The following CADM4 variants were observed in gnomAD, a reference collection of about 807,000 sequenced individuals.
The protein encoded by CADM4 is cell adhesion molecule 4, also known as TSLC1-like 2.
In CADM4, 13 loss-of-function variants were observed where a neutral mutation model predicts 43.9. The ratio of observed to expected loss-of-function variants is 0.30; its 90% CI spans 0.19 to 0.47. The LOEUF (loss-of-function observed/expected upper bound fraction) is 0.47. Ranked by LOEUF, CADM4 falls within the 20% of genes least tolerant of loss-of-function variation. The pLI, the probability that CADM4 is intolerant of heterozygous loss-of-function variation, is 1.00. For missense variants in CADM4, 420 were observed against 527.0 expected (o/e 0.80, Z 1.99); for synonymous variants, 209 against 220.9 (o/e 0.95, Z 0.48).
At chr19:43,628,450 GA>G (rs201725605) in intron 1 of CADM4, among the ~76,000 whole-genome samples, 4 of 150,996 alleles carry the variant, frequency 2.6e-5, no homozygotes, top group African/African-American at 9.7e-5. Context: ...AAAAAAGAAA[GA>G]AAAAAAAGAG....
At chr19:43,631,926 G>T (rs978444640) in intron 1 of CADM4, among the ~76,000 whole-genome samples, 2 of 152,060 alleles carry the variant, frequency 1.3e-5, no homozygotes, top group Non-Finnish European at 2.9e-5. Flanking sequence ...TTATTTTAGA[G>T]ATGAGGTCTC....
At chr19:43,632,385 G>A (rs1359807469) in intron 1 of CADM4, among the ~76,000 whole-genome samples, 3 of 152,112 alleles carry the variant, frequency 2.0e-5, no homozygotes, top group Non-Finnish European at 2.9e-5. Context: ...CTCCTCCAGG[G>A]CCATTCTCCA....
chr19:43,626,266 AT>A lies in CADM4; in HGVS notation c.521del (p.Asn174MetfsTer62). ...ELKGVSSSQE[N>X]GKVWSVASTV... ...TGCTTGCCACGCTCCAGACCTTGCC[AT>A]TTTCCTGGCTGCTGCTCACTCCTGC... On this transcript the variant is annotated frameshift_variant, in exon 5 of 9. Coordinates refer to ENST00000222374, the MANE Select transcript of CADM4 (RefSeq NM_145296.2). LOFTEE classifies it high-confidence loss of function. This position sits in a 1 kb window ranked among gnomAD's most constrained non-coding sequence, Gnocchi z 5.9. 1 of 1,611,694 alleles carries A rather than the reference AT, an allele frequency of 6.2e-7. No homozygotes were observed.
chr19:43,624,114 C>T lies in CADM4; in HGVS notation c.1057G>A (p.Gly353Ser), dbSNP rs1287495696. 6.2e-7 allele frequency: 1 copy of T among 1,614,178 alleles called. No homozygotes were observed. Among genetic ancestry groups the T allele is most frequent in the Admixed American group, 1.7e-5 (1 of 60,022 alleles). ...GMVWCSVRQK[G>S]SYLTHEASGL... is the part of the protein sequence containing the mutation. ...AGAGTCCAGGCCCCGTCCCACTCAC[C>T]CTTCTGCCGTACCGAGCACCAGACC... The change falls in exon 8 of 9, where the codon GGT (glycine) becomes AGT (serine). Residue 353 changes from glycine to serine, a missense_variant and splice_region_variant. Gly to Ser is a moderately conservative substitution (Grantham distance 56). Coordinates refer to ENST00000222374, the MANE Select transcript of CADM4 (RefSeq NM_145296.2).
rs750822239 is a variant in CADM4 at position 43,623,506 on chromosome 19, A to G, written c.1058-67T>C. 5 of 979,848 alleles carry G rather than the reference A, an allele frequency of 5.1e-6. No individual in the cohort carries two copies. The highest frequency in any genetic ancestry group is 8.3e-6 in the Non-Finnish European group (5 of 604,414). The allele number at this position is 979,848 out of a possible 1,614,324, so 60.7% of individuals were successfully genotyped here. On this transcript the variant is annotated intron_variant, in intron 8 of 8. Transcript: ENST00000222374. This position sits in a 1 kb window ranked among gnomAD's most constrained non-coding sequence, Gnocchi z 4.4. ...GTGGATCCAGGAGTTGGACAGAAGT[A>G]TAAGGGAAGAGGGAGACAGACAAGA...
At position 43,625,790 on chromosome 19, in the gene CADM4, C is replaced by A; in HGVS notation, c.755+121G>T. On this transcript the variant is annotated intron_variant, in intron 6 of 8. Coordinates refer to ENST00000222374, the MANE Select transcript of CADM4 (RefSeq NM_145296.2). This position sits in a 1 kb window ranked among gnomAD's most constrained non-coding sequence, Gnocchi z 4.5. ...ACCCAGGAATCCAGGTCCTAGCTCC[C>A]TGTTTGTCCAGGTCCTCAGCTCTCT... 1.3e-6 allele frequency: 1 copy of A among 786,168 alleles called. No homozygotes were observed. Among genetic ancestry groups the A allele is most frequent in the Non-Finnish European group, 2.1e-6 (1 of 480,652 alleles). 48.7% of individuals were successfully genotyped at this position (786,168 alleles called of 1,614,324 possible).
At chr19:43,636,489 C>T (rs574831190) in intron 1 of CADM4, among the ~76,000 whole-genome samples, 1 of 152,278 alleles carries the variant, frequency 6.6e-6, no homozygotes, top group South Asian at 2.1e-4. Context: ...ACGGAGGAGC[C>T]TGCGTGCCTG....
chr19:43,636,797 G>T (rs1324469300), intron 1 of CADM4, among the ~76,000 whole-genome samples: 1 of 151,804 alleles, frequency 6.6e-6, no homozygotes. Flanking sequence ...GTGGGTGGGG[G>T]GGTCAGTGAT....
intron 1 of CADM4, among the ~76,000 whole-genome samples, chr19:43,632,821 C>T (rs1264700358): frequency 2.6e-5 from 4 of 152,010 alleles, no homozygotes; most frequent in South Asian, 2.1e-4. Context: ...CGGTGGCTCA[C>T]GCCTGTAATA....
rs1397177066 is a variant in CADM4, at chr19:43,627,291, T to C, written c.239A>G (p.Glu80Gly). The part of the protein sequence containing the change: ...RALKDERFQL[E>G]EFSPRRVRIR... The stretch of plus-strand genomic sequence containing the variant: ...CCGCACCCGGCGTGGGGAGAACTCC[T>C]CAAGCTGGAAACGCTCATCCTTCAA... The change falls in exon 3 of 9, where the codon GAG becomes GGG. Residue 80 changes from glutamate (E) to glycine (G), a missense_variant. Coordinates refer to ENST00000222374, the MANE Select transcript of CADM4 (RefSeq NM_145296.2). The surrounding 1 kb of genome is among the most constrained non-coding windows in gnomAD (Gnocchi z 4.0). 1.2e-6 allele frequency: 2 copies of C among 1,606,326 alleles called. No homozygotes were observed. Among genetic ancestry groups the C allele is most frequent in the Non-Finnish European group, 1.7e-6 (2 of 1,176,032 alleles).
chr19:43,624,143 C>T lies in CADM4; in HGVS notation c.1028G>A (p.Gly343Asp). 1 of 1,614,166 alleles carries T rather than the reference C, an allele frequency of 6.2e-7. No individual in the cohort carries two copies. The highest frequency in any genetic ancestry group is 8.5e-7 in the Non-Finnish European group (1 of 1,180,022). Reference protein sequence around the residue: ...LVFLIICVLVGMVWCSVRQKG... With the variant: ...LVFLIICVLVDMVWCSVRQKG... ...CTGCCGTACCGAGCACCAGACCATG[C>T]CCACTAGCACACATATGATCAGAAA... The change falls in exon 8 of 9, where the codon GGC (glycine) becomes GAC (aspartate). Residue 343 changes from glycine to aspartate, a missense_variant. Gly to Asp is a moderately conservative substitution (Grantham distance 94). Transcript: ENST00000222374.
At position 43,639,843 on chromosome 19, in the gene CADM4, C is replaced by T. The variant is rs1973752788; in HGVS notation, c.-53G>A. 5.1e-6 allele frequency: 5 copies of T among 977,814 alleles called. No homozygotes were observed. The highest frequency in any genetic ancestry group is 4.8e-6 in the Non-Finnish European group (4 of 826,672). 60.6% of individuals were successfully genotyped at this position (977,814 alleles called of 1,614,324 possible). On this transcript the variant is annotated 5_prime_UTR_variant, in exon 1 of 9. Transcript: ENST00000222374. ...CGCTCCCGGCCCGGCACCTGCACCGCCCGCGCCGCCCGCCCCGCCCCCCGC... is the reference window on the plus strand; with the variant it reads ...CGCTCCCGGCCCGGCACCTGCACCGTCCGCGCCGCCCGCCCCGCCCCCCGC...
chr19:43,637,860 G>A (rs775294437), intron 1 of CADM4, among the ~76,000 whole-genome samples: 17 of 152,084 alleles, frequency 1.1e-4, no homozygotes, highest in African/African-American at 2.9e-4. Flanking sequence ...ACACCATCAC[G>A]GTTCTAGAAC....
rs1252297920 is a variant in CADM4 at position 43,626,494 on chromosome 19, C to T, written c.500-206G>A. 2.8e-4 allele frequency among the ~76,000 whole-genome samples: 43 copies of T among 152,062 alleles called. No homozygotes were observed. Among genetic ancestry groups the T allele is most frequent in the Admixed American group, 2.4e-3 (37 of 15,254 alleles). On this transcript the variant is annotated intron_variant, in intron 4 of 8. Coordinates refer to ENST00000222374, the MANE Select transcript of CADM4 (RefSeq NM_145296.2). This position sits in a 1 kb window ranked among gnomAD's most constrained non-coding sequence, Gnocchi z 5.9. ...TCCCTCTTTCACGCTCATGCTTTCT[C>T]GTCTATCAATCCATTTAATTGCTAT...
At chr19:43,632,250 C>T (rs1305181042) in intron 1 of CADM4, among the ~76,000 whole-genome samples, 4 of 152,120 alleles carry the variant, frequency 2.6e-5, no homozygotes, top group Non-Finnish European at 4.4e-5. Flanking sequence ...TCCATTCTAC[C>T]TCCAAGACAT....
chr19:43,623,220 G>C lies in CADM4; in HGVS notation c.*110C>G, dbSNP rs1043071922. 2.6e-6 allele frequency: 2 copies of C among 781,568 alleles called. No homozygotes were observed. The highest frequency in any genetic ancestry group is 4.9e-5 in the East Asian group (2 of 41,012). The allele number at this position is 781,568 out of a possible 1,614,324, so 48.4% of individuals were successfully genotyped here. A position where few individuals can be genotyped will look rare whatever the true frequency, so the allele number is the denominator to read the frequency against. On this transcript the variant is annotated 3_prime_UTR_variant, in exon 9 of 9. Coordinates refer to ENST00000222374, the MANE Select transcript of CADM4 (RefSeq NM_145296.2). The surrounding 1 kb of genome is among the most constrained non-coding windows in gnomAD (Gnocchi z 4.4). The stretch of plus-strand genomic sequence containing the variant: ...GCGTCTGAGGTGTTAGTGGTGGGGG[G>C]AGAAGCCCACCATCCCAGACTCTGG...
At chr19:43,629,971 C>T (rs776802456) in intron 1 of CADM4, among the ~76,000 whole-genome samples, 7 of 151,954 alleles carry the variant, frequency 4.6e-5, no homozygotes, top group East Asian at 1.9e-4. Flanking sequence ...TGCAGTGGCA[C>T]GATCTCAGCT....
Position 43,624,201 on chromosome 19 carries a change from C to G in CADM4, c.970G>C (p.Ala324Pro), listed in dbSNP as rs372622697. ...VVEAQTSVPY[A>P]IVGGILALLV... ...AGCGCCAGGATGCCGCCCACAATGG[C>G]ATAGGGAACCGACGTCTGAGCCTCT... Residue 324 changes from alanine (A) to proline (P), a missense_variant, in exon 8 of 9, where the codon GCC becomes CCC. Physicochemically the swap from Ala to Pro is conservative, Grantham distance 27 (BLOSUM62 -1). Transcript: ENST00000222374. 6.8e-6 allele frequency: 11 copies of G among 1,614,222 alleles called. No individual in the cohort carries two copies. The African/African-American group carries it at 1.2e-4, about 18-fold the overall frequency.
chr19:43,628,004 G>A (rs1973557416), intron 1 of CADM4, among the ~76,000 whole-genome samples: 1 of 152,148 alleles, frequency 6.6e-6, no homozygotes, highest in Admixed American at 6.6e-5. Flanking sequence ...AGTAGAATAT[G>A]CTCTAATGAG....
Sources: allele counts gnomAD v4.1 joint callset (sites outside exome capture counted in the v4.1 genomes callset), GRCh38; gene constraint gnomAD v4.1.1; non-coding constraint Gnocchi (gnomAD v3.1); transcripts MANE v1.5; gene names NCBI Gene and HGNC (gene_info 2026-07-23, HGNC 2026-07-21).